The following EHMT1 variants were observed in gnomAD, a reference collection of about 807,000 sequenced individuals.
EHMT1 encodes euchromatic histone lysine methyltransferase 1, also known as histone-lysine N-methyltransferase EHMT1.
Under a neutral mutation model 147.2 loss-of-function variants are expected in EHMT1, and 15 were observed. The ratio of observed to expected loss-of-function variants is 0.10; its 90% CI spans 0.07 to 0.16. EHMT1 has a LOEUF of 0.16. EHMT1 is among the 10% of genes least tolerant of loss of function. The probability of loss-of-function intolerance (pLI) is 1.00; values close to 1 mark genes in which losing one functional copy is unlikely to be tolerated. For synonymous variants in EHMT1, 795 were observed against 709.6 expected (o/e 1.12, Z -1.91); for missense variants, 1,587 against 1,772.4 (o/e 0.90, Z 1.88).
chr9:137,696,169 ATC>A (rs1943381366), intron 1 of EHMT1, among the ~76,000 whole-genome samples: 3 of 152,202 alleles, frequency 2.0e-5, no homozygotes, highest in Admixed American at 2.0e-4. Context: ...GGAAAAGAAA[ATC>A]TCTCAGATAT....
chr9:137,639,353 AT>A (rs1844317689), intron 1 of EHMT1, among the ~76,000 whole-genome samples: 1 of 152,204 alleles, frequency 6.6e-6, no homozygotes. Flanking sequence ...GGTTGATAGT[AT>A]TAAGTCTTCC....
chr9:137,697,089 C>T (rs1210455964), intron 1 of EHMT1: 8 of 389,046 alleles, frequency 2.1e-5, no homozygotes, highest in Admixed American at 7.9e-5. Context: ...GAGACCAGCC[C>T]GGCCAATGTG....
At chr9:137,670,608 CT>C (rs1318285755) in intron 1 of EHMT1, among the ~76,000 whole-genome samples, 9 of 152,226 alleles carry the variant, frequency 5.9e-5, no homozygotes, top group African/African-American at 2.2e-4. Context: ...ATCTGCGCCT[CT>C]CTCTTCTGAC....
chr9:137,794,566 G>T (rs1454550772), intron 16 of EHMT1, among the ~76,000 whole-genome samples: 1 of 151,422 alleles, frequency 6.6e-6, no homozygotes, highest in African/African-American at 2.4e-5. Flanking sequence ...AGCATCACCT[G>T]AGCACAGGAG....
At chr9:137,730,491 A>G (rs1281901565) in intron 4 of EHMT1, among the ~76,000 whole-genome samples, 4 of 151,800 alleles carry the variant, frequency 2.6e-5, no homozygotes, top group Admixed American at 1.3e-4. Flanking sequence ...GGGTCTCGCT[A>G]TGTTGCCCAG....
At chr9:137,694,619 A>G (rs1260513033) in intron 1 of EHMT1, among the ~76,000 whole-genome samples, 2 of 152,174 alleles carry the variant, frequency 1.3e-5, no homozygotes. Flanking sequence ...GATGTTTTCC[A>G]GTTTCACTTG....
chr9:137,770,159 GT>G (rs571714148), intron 10 of EHMT1, among the ~76,000 whole-genome samples: 137 of 152,234 alleles, frequency 9.0e-4, no homozygotes, highest in South Asian at 5.2e-3. Context: ...TCAGTCTTGT[GT>G]TTTTTTCTTT....
chr9:137,681,491 C>T (rs1017001591), intron 1 of EHMT1, among the ~76,000 whole-genome samples: 1 of 152,110 alleles, frequency 6.6e-6, no homozygotes, highest in Admixed American at 6.6e-5. Context: ...GACTAAAATT[C>T]CTTCGTTATT....
chr9:137,743,566 G>C (rs1948290477), intron 5 of EHMT1, 38 bp downstream of exon 5: 5 of 1,613,502 alleles, frequency 3.1e-6, no homozygotes, highest in Non-Finnish European at 4.2e-6. Flanking sequence ...ACGTGTGCGT[G>C]GAAATGCGTT....
chr9:137,685,729 T>G (rs1292888501), intron 1 of EHMT1, among the ~76,000 whole-genome samples: 1 of 152,164 alleles, frequency 6.6e-6, no homozygotes, highest in Non-Finnish European at 1.5e-5. Context: ...CACCAACACT[T>G]TTTGCTGTCC....
intron 1 of EHMT1, among the ~76,000 whole-genome samples, chr9:137,663,586 G>A (rs1379238413): frequency 6.6e-6 from 1 of 152,144 alleles, no homozygotes; most frequent in Non-Finnish European, 1.5e-5. Flanking sequence ...ACTTAAACAT[G>A]TCACACTATT....
chr9:137,759,757 G>A lies in EHMT1; in HGVS notation c.1501+1746G>A, dbSNP rs535091765. 2.0e-5 allele frequency among the ~76,000 whole-genome samples: 3 copies of A among 152,360 alleles called. No individual in the cohort carries two copies. In the South Asian group the frequency reaches 6.2e-4, roughly 32 times the overall value. ...AGACAGGCGGTGCGCCCACTGTGCT[G>A]GTGCTGGCCGTGTGGCCCGGGACCC... On this transcript the variant is annotated intron_variant, in intron 9 of 26. Coordinates refer to ENST00000460843, the MANE Select transcript of EHMT1 (RefSeq NM_024757.5).
chr9:137,789,215 G>GTCCCCTA (rs1422965100), intron 15 of EHMT1: 1 of 152,400 alleles, frequency 6.6e-6, no homozygotes, highest in Non-Finnish European at 1.5e-5. Context: ...GACACCCATC[G>GTCCCCTA]TCCCCTATGC....
chr9:137,800,020 A>AT (rs1953322873), intron 17 of EHMT1, among the ~76,000 whole-genome samples: 9 of 152,092 alleles, frequency 5.9e-5, no homozygotes, highest in Non-Finnish European at 1.3e-4. Flanking sequence ...ATGTAGCTTT[A>AT]ATCATGAAGG....
At chr9:137,633,318 CTT>C (rs1008810896) in intron 1 of EHMT1, among the ~76,000 whole-genome samples, 3 of 145,216 alleles carry the variant, frequency 2.1e-5, no homozygotes, top group African/African-American at 2.5e-5. Context: ...TAATTGACTA[CTT>C]TTTTTTTTTT....
chr9:137,664,627 T>C (rs1939438110), intron 1 of EHMT1, among the ~76,000 whole-genome samples: 1 of 152,154 alleles, frequency 6.6e-6, no homozygotes, highest in South Asian at 2.1e-4. Flanking sequence ...ATGGCGTCTT[T>C]GTTGCTTTAA....
chr9:137,699,848 C>T (rs1329910978), intron 1 of EHMT1, among the ~76,000 whole-genome samples: 2 of 152,182 alleles, frequency 1.3e-5, no homozygotes, highest in Admixed American at 6.5e-5. Flanking sequence ...GACCCTGTTT[C>T]TAAAAATGAA....
At chr9:137,664,020 A>G (rs960336577) in intron 1 of EHMT1, among the ~76,000 whole-genome samples, 5 of 152,220 alleles carry the variant, frequency 3.3e-5, no homozygotes, top group Non-Finnish European at 5.9e-5. Context: ...TACAGATTAT[A>G]TATAAGTAAA....
chr9:137,624,081 C>A (rs978905331), intron 1 of EHMT1, among the ~76,000 whole-genome samples: 13 of 150,870 alleles, frequency 8.6e-5, no homozygotes, highest in African/African-American at 3.2e-4. Context: ...CTTACTGCAA[C>A]CTCCGTCTCC....
Sources: allele counts gnomAD v4.1 joint callset (sites outside exome capture counted in the v4.1 genomes callset), GRCh38; gene constraint gnomAD v4.1.1; transcripts MANE v1.5; gene names NCBI Gene and HGNC (gene_info 2026-07-23, HGNC 2026-07-21).